The following THNSL1 variants were observed in gnomAD, a reference collection of about 807,000 sequenced individuals.
THNSL1 encodes threonine synthase like 1.
THNSL1 carries 48 observed loss-of-function variants against 50.4 expected under a neutral mutation model. The ratio of observed to expected loss-of-function variants is 0.95; its 90% CI spans 0.76 to 1.21. THNSL1 has a LOEUF of 1.21. Among genes scored for constraint, THNSL1 ranks in the 50% most tolerant of loss-of-function variants. THNSL1 has a pLI of 0.00. For missense variants in THNSL1, 896 were observed against 871.7 expected, an observed-to-expected ratio of 1.03 and a Z score of -0.35; for synonymous variants, 309 against 306.1, an observed-to-expected ratio of 1.01 and a Z score of -0.10.
the THNSL1 span, among the ~76,000 whole-genome samples, chr10:24,993,599 T>G: frequency 6.6e-6 from 1 of 152,244 alleles, no homozygotes; most frequent in Admixed American, 6.5e-5. Context: ...TTAAAAGAAT[T>G]TATTTACTAT....
Position 25,023,433 on chromosome 10 carries a change from A to G in THNSL1, c.210A>G (p.Thr70=). 6.2e-7 allele frequency: 1 copy of G among 1,614,192 alleles called. No homozygotes were observed. Among genetic ancestry groups the G allele is most frequent in the Non-Finnish European group, 8.5e-7 (1 of 1,180,008 alleles). Reference sequence around the variant, plus strand: ...GACCTCCTGGTGCTGGGAAAACAACAGTAGGCAGAATAATAGGTCAGAAAC... The same window carrying G: ...GACCTCCTGGTGCTGGGAAAACAACGGTAGGCAGAATAATAGGTCAGAAAC... ...LMGPPGAGKT[T]VGRIIGQKLG... The change falls in exon 3 of 3, where the codon ACA becomes ACG. Residue 70 remains threonine, a synonymous_variant. Transcript: ENST00000376356.
the THNSL1 span, among the ~76,000 whole-genome samples, chr10:24,978,633 A>G: frequency 3.3e-5 from 5 of 152,190 alleles, no homozygotes; most frequent in Admixed American, 3.3e-4. Context: ...ATTTGAAAAG[A>G]TTGAAAAATT....
At chr10:24,969,058 T>G in the THNSL1 span, among the ~76,000 whole-genome samples, 3 of 152,186 alleles carry the variant, frequency 2.0e-5, no homozygotes, top group African/African-American at 7.2e-5. Flanking sequence ...TATGCCCGGC[T>G]AAGTCTTGTA....
chr10:24,990,404 C>T, the THNSL1 span: 1 of 1,551,660 alleles, frequency 6.4e-7, no homozygotes, highest in South Asian at 1.3e-5. Flanking sequence ...TGATGGTACA[C>T]CTTTCTTTCA....
At chr10:24,995,837 G>T in the THNSL1 span, 1 of 1,610,606 alleles carries the variant, frequency 6.2e-7, no homozygotes, top group Non-Finnish European at 8.5e-7. Context: ...GGCACAGCAG[G>T]CTTTTTGGGC....
the THNSL1 span, among the ~76,000 whole-genome samples, chr10:24,988,858 G>A: frequency 2.6e-5 from 4 of 151,744 alleles, no homozygotes; most frequent in Admixed American, 2.0e-4. Context: ...GATTGTCATC[G>A]AACTACATGC....
the THNSL1 span, chr10:24,990,602 C>T: frequency 1.9e-6 from 3 of 1,593,502 alleles, no homozygotes; most frequent in Non-Finnish European, 2.6e-6. Flanking sequence ...AGGTGTGACA[C>T]CATAATCCTA....
the THNSL1 span, among the ~76,000 whole-genome samples, chr10:24,980,001 G>A: frequency 1.3e-5 from 2 of 152,108 alleles, no homozygotes; most frequent in Non-Finnish European, 2.9e-5. Context: ...ATTTCTTGAA[G>A]CCAACAGCTA....
the THNSL1 span, among the ~76,000 whole-genome samples, chr10:24,997,773 G>C: frequency 6.7e-6 from 1 of 149,192 alleles, no homozygotes; most frequent in Non-Finnish European, 1.5e-5. Context: ...AAAATGATAG[G>C]CTTCTTCCTT....
chr10:25,003,491 G>A, the THNSL1 span, among the ~76,000 whole-genome samples: 3 of 152,202 alleles, frequency 2.0e-5, no homozygotes, highest in South Asian at 6.2e-4. Context: ...ACAGATGTGA[G>A]CCACTGCGCC....
upstream of THNSL1, among the ~76,000 whole-genome samples, chr10:25,012,535 G>A (rs1268372943): frequency 2.0e-5 from 3 of 152,240 alleles, no homozygotes; most frequent in Admixed American, 6.5e-5. Flanking sequence ...ACCTGGATGT[G>A]AGACATGGAG....
At chr10:24,959,964 G>T in the THNSL1 span, among the ~76,000 whole-genome samples, 1 of 152,110 alleles carries the variant, frequency 6.6e-6, no homozygotes, top group African/African-American at 2.4e-5. Context: ...TGCAATTTGG[G>T]TTATCCTTCA....
chr10:24,991,772 C>T, the THNSL1 span, among the ~76,000 whole-genome samples: 1 of 152,218 alleles, frequency 6.6e-6, no homozygotes, highest in Admixed American at 6.5e-5. Flanking sequence ...CCTTTGGAAG[C>T]CCTCTGTCCT....
the THNSL1 span, among the ~76,000 whole-genome samples, chr10:24,961,678 T>G: frequency 6.6e-6 from 1 of 152,104 alleles, no homozygotes; most frequent in East Asian, 1.9e-4. Context: ...TTGGAACTAA[T>G]AAAAAAAGTC....
rs1850761066 is a variant in THNSL1, at chr10:25,023,278, T to C, written c.55T>C (p.Ser19Pro). 2.5e-6 allele frequency: 4 copies of C among 1,613,960 alleles called. No individual in the cohort carries two copies. The highest frequency in any genetic ancestry group is 3.4e-6 in the Non-Finnish European group (4 of 1,179,928). ...GAAAAAGATAACACAGAAATGTTTTTCTAGTATACATGTTAAAACGGATAA... is the reference window on the plus strand; with the variant it reads ...GAAAAAGATAACACAGAAATGTTTTCCTAGTATACATGTTAAAACGGATAA... ...HLKKITQKCF[S>P]SIHVKTDKHA... Residue 19 changes from serine (S) to proline (P), a missense_variant, in exon 3 of 3, where the codon TCT (serine) becomes CCT (proline). Coordinates refer to ENST00000376356, the MANE Select transcript of THNSL1 (RefSeq NM_024838.5).
At chr10:24,968,477 CCTT>C in the THNSL1 span, among the ~76,000 whole-genome samples, 1 of 152,172 alleles carries the variant, frequency 6.6e-6, no homozygotes, top group Non-Finnish European at 1.5e-5. Context: ...CTAACATCCT[CCTT>C]GGGTGTTAGA....
At chr10:24,999,712 T>A in the THNSL1 span, among the ~76,000 whole-genome samples, 1 of 152,220 alleles carries the variant, frequency 6.6e-6, no homozygotes, top group South Asian at 2.1e-4. Flanking sequence ...CAGACTTAGA[T>A]AAACTAGATG....
At chr10:24,962,742 T>C in the THNSL1 span, among the ~76,000 whole-genome samples, 1 of 152,226 alleles carries the variant, frequency 6.6e-6, no homozygotes, top group African/African-American at 2.4e-5. Context: ...AGAACTCACT[T>C]TACCTTAGAT....
chr10:24,983,839 T>C, the THNSL1 span: 1 of 152,218 alleles, frequency 6.6e-6, no homozygotes, highest in African/African-American at 2.4e-5. Context: ...TTTCATAAAA[T>C]AACCTTTTCC....
Sources: gnomAD v4.1 joint callset for allele counts (sites outside exome capture counted in the v4.1 genomes callset) on GRCh38, gnomAD v4.1.1 for gene constraint, MANE v1.5 for transcripts, NCBI Gene and HGNC (gene_info 2026-07-23, HGNC 2026-07-21) for gene names.